ICA1: variants seen among roughly 807,000 people sequenced by gnomAD.
ICA1 encodes the protein 69 kDa islet cell autoantigen.
In ICA1, 40 loss-of-function variants were observed where a neutral mutation model predicts 71.0. The ratio of observed to expected loss-of-function variants is 0.56; its 90% CI spans 0.44 to 0.73. The LOEUF (loss-of-function observed/expected upper bound fraction) is 0.73. Ranked by LOEUF, ICA1 falls within the 30% of genes least tolerant of loss-of-function variation. The probability of loss-of-function intolerance (pLI) is 0.00; values close to 1 mark genes in which losing one functional copy is unlikely to be tolerated. For missense variants in ICA1, 578 were observed against 576.5 expected, an observed-to-expected ratio of 1.00 and a Z score of -0.03; for synonymous variants, 207 against 209.5, an observed-to-expected ratio of 0.99 and a Z score of 0.10.
chr7:8,232,335 C>G (rs79092534), intron 3 of ICA1, among the ~76,000 whole-genome samples: 4,755 of 152,244 alleles, frequency 0.031, 251 homozygotes, highest in African/African-American at 0.11. Flanking sequence ...TTCCTTTTCC[C>G]AAGAAACGCT....
intron 6 of ICA1, among the ~76,000 whole-genome samples, chr7:8,198,003 T>G (rs755183606): frequency 6.6e-6 from 1 of 152,262 alleles, no homozygotes; most frequent in Non-Finnish European, 1.5e-5. Context: ...TTTGGAATGA[T>G]GTATTTCTAT....
At chr7:8,189,445 C>T (rs73233945) in intron 6 of ICA1, among the ~76,000 whole-genome samples, 6 of 152,336 alleles carry the variant, frequency 3.9e-5, no homozygotes, top group African/African-American at 9.6e-5. Context: ...CGGATTCTTT[C>T]GCCTCCTCGC....
chr7:8,167,900 T>C (rs924946140), intron 6 of ICA1, among the ~76,000 whole-genome samples: 13 of 152,150 alleles, frequency 8.5e-5, no homozygotes, highest in Admixed American at 6.6e-4. Context: ...CTTCCTTCTC[T>C]GTTGGCTAAA....
chr7:8,214,144 T>C (rs149296871), intron 6 of ICA1, among the ~76,000 whole-genome samples: 1 of 152,182 alleles, frequency 6.6e-6, no homozygotes, highest in Non-Finnish European at 1.5e-5. Context: ...CAGGACTATT[T>C]TCTTACACCT....
rs112489280 is a variant in ICA1, at chr7:8,261,626, A to G, written c.-80+468T>C. On this transcript the variant is annotated intron_variant, in intron 1 of 13. Transcript: ENST00000402384. ...AAAAGGGCCACGGAGGGGAAGAGAA[A>G]AAGCACACACCAGGCGCCGCGGCAG... is the stretch of plus-strand genomic sequence containing the variant. Among the ~76,000 whole-genome samples, 207 of 152,234 alleles carry G rather than the reference A, an allele frequency of 1.4e-3. 1 individual carries two copies. The highest frequency in any genetic ancestry group is 4.5e-3 in the African/African-American group (187 of 41,540).
At chr7:8,174,267 A>C (rs1779785786) in intron 6 of ICA1, among the ~76,000 whole-genome samples, 1 of 152,178 alleles carries the variant, frequency 6.6e-6, no homozygotes, top group Non-Finnish European at 1.5e-5. Context: ...AGAGAACATG[A>C]TCTTTCCTCT....
At chr7:8,245,145 G>A (rs965893407) in intron 1 of ICA1, among the ~76,000 whole-genome samples, 9 of 152,090 alleles carry the variant, frequency 5.9e-5, no homozygotes, top group South Asian at 4.1e-4. Flanking sequence ...CAATACCAAC[G>A]ACTTGGAACC....
intron 1 of ICA1, among the ~76,000 whole-genome samples, chr7:8,251,011 C>T (rs1046470026): frequency 6.6e-6 from 1 of 152,058 alleles, no homozygotes; most frequent in Non-Finnish European, 1.5e-5. Context: ...GTGATCCCCC[C>T]CACCTCAGCC....
At chr7:8,252,772 A>C (rs1213786782) in intron 1 of ICA1, among the ~76,000 whole-genome samples, 1 of 151,330 alleles carries the variant, frequency 6.6e-6, no homozygotes. Context: ...ATTTAATTAT[A>C]TTTTTTGCTT....
At chr7:8,143,168 T>G (rs1394692417) in intron 9 of ICA1, among the ~76,000 whole-genome samples, 1 of 152,174 alleles carries the variant, frequency 6.6e-6, no homozygotes, top group Non-Finnish European at 1.5e-5. Flanking sequence ...CTATTATATC[T>G]CCATAGAAAA....
At chr7:8,160,872 T>A (rs1351908058) in intron 6 of ICA1, among the ~76,000 whole-genome samples, 4 of 152,186 alleles carry the variant, frequency 2.6e-5, no homozygotes, top group African/African-American at 9.7e-5. Flanking sequence ...AGAGATTTCC[T>A]GCCTCCCTTT....
At chr7:8,166,254 A>C (rs1476764976) in intron 6 of ICA1, among the ~76,000 whole-genome samples, 1 of 152,184 alleles carries the variant, frequency 6.6e-6, no homozygotes, top group African/African-American at 2.4e-5. Context: ...GTGGGCCTAT[A>C]TGCACATAAG....
intron 10 of ICA1, among the ~76,000 whole-genome samples, chr7:8,140,708 C>G (rs533212299): frequency 4.6e-5 from 7 of 152,176 alleles, no homozygotes; most frequent in Non-Finnish European, 7.3e-5. Flanking sequence ...TGCATGAGTA[C>G]TTGTACGTGA....
In ICA1 at chr7:8,143,431, G is replaced by C. The variant is rs532549131; in HGVS notation, c.902+444C>G. ...AACACTTTCATATGATGATGCCTTA[G>C]TATGCATGTATCCCAGGGCAATTTC... On this transcript the variant is annotated intron_variant, in intron 9 of 13. Transcript: ENST00000402384. Among the ~76,000 whole-genome samples, 3 of 152,294 alleles carry C rather than the reference G, an allele frequency of 2.0e-5. No individual in the cohort carries two copies. The East Asian group carries it at 5.8e-4, about 29-fold the overall frequency.
chr7:8,232,006 G>A (rs934627082), intron 3 of ICA1, among the ~76,000 whole-genome samples: 5 of 152,066 alleles, frequency 3.3e-5, no homozygotes, highest in Non-Finnish European at 7.3e-5. Flanking sequence ...AGAAATGATA[G>A]GTATGCTTTC....
chr7:8,232,395 C>G (rs1046643191), intron 3 of ICA1, among the ~76,000 whole-genome samples, 195 bp downstream of exon 3: 1 of 152,180 alleles, frequency 6.6e-6, no homozygotes, highest in African/African-American at 2.4e-5. Flanking sequence ...TCTTAAAATA[C>G]AGAGTAACTG....
At chr7:8,166,850 A>T (rs1429702370) in intron 6 of ICA1, among the ~76,000 whole-genome samples, 1 of 152,048 alleles carries the variant, frequency 6.6e-6, no homozygotes, top group African/African-American at 2.4e-5. Context: ...CACTATTCAA[A>T]AGAAGACATG....
intron 6 of ICA1, among the ~76,000 whole-genome samples, chr7:8,178,312 G>A (rs1211837845): frequency 2.0e-5 from 3 of 152,200 alleles, no homozygotes; most frequent in East Asian, 3.9e-4. Context: ...AAAGCAGTTC[G>A]TTATATACCT....
intron 4 of ICA1, among the ~76,000 whole-genome samples, chr7:8,224,019 A>T (rs1356228804): frequency 6.6e-6 from 1 of 152,192 alleles, no homozygotes; most frequent in Non-Finnish European, 1.5e-5. Context: ...ACTGGAATAC[A>T]GTGATGAAGA....
Sources: allele counts gnomAD v4.1 joint callset (sites outside exome capture counted in the v4.1 genomes callset), GRCh38; gene constraint gnomAD v4.1.1; transcripts MANE v1.5; gene names NCBI Gene and HGNC (gene_info 2026-07-23, HGNC 2026-07-21).